TMPRSS11B: variants seen among roughly 807,000 people sequenced by gnomAD.
TMPRSS11B encodes the protein transmembrane protease serine 11B.
Under a neutral mutation model 44.7 loss-of-function variants are expected in TMPRSS11B, and 53 were observed. The ratio of observed to expected loss-of-function variants is 1.19; its 90% confidence interval spans 0.95 to 1.49. The LOEUF (loss-of-function observed/expected upper bound fraction) is 1.49, where lower values mean the gene tolerates loss of function less well. Among genes scored for constraint, TMPRSS11B ranks in the 40% most tolerant of loss-of-function variants. The pLI is 0.00. For synonymous variants in TMPRSS11B, 140 were observed against 159.2 expected (o/e 0.88, Z 0.91); for missense variants, 526 against 494.8 (o/e 1.06, Z -0.60).
intron 5 of TMPRSS11B, among the ~76,000 whole-genome samples, 158 bp downstream of exon 5, chr4:68,234,305 C>T (rs998159338): frequency 2.4e-4 from 37 of 152,154 alleles, no homozygotes; most frequent in Non-Finnish European, 1.6e-4. Context: ...CATGGCACTG[C>T]CCTTTCCACT....
chr4:68,245,450 A>G, intron 1 of TMPRSS11B, 101 bp downstream of exon 1: 1 of 1,294,838 alleles, frequency 7.7e-7, no homozygotes. Flanking sequence ...AGGAATAAAA[A>G]CTAAATTATA....
At position 68,228,879 on chromosome 4, in the gene TMPRSS11B, A is replaced by G. The variant is rs1163635696; in HGVS notation, c.952T>C (p.Phe318Leu). The G allele has an allele frequency of 6.2e-7, 1 of 1,612,150 alleles. No individual in the cohort carries two copies. Among genetic ancestry groups the G allele is most frequent in the African/African-American group, 1.3e-5 (1 of 74,808 alleles). Residue 318 changes from phenylalanine to leucine, a missense_variant, in exon 9 of 10, where the codon TTT becomes CTT. Coordinates refer to ENST00000332644, the MANE Select transcript of TMPRSS11B (RefSeq NM_182502.3). ...GWGTLYMNGS[F>L]PVILQEDFLK... The stretch of plus-strand genomic sequence containing the variant: ...AAGTCTTCTTGAAGTATCACTGGAA[A>G]TGAACCTAAAAGCAATAAGTGCTGC...
At chr4:68,240,857 A>G (rs1719803003) in intron 2 of TMPRSS11B, among the ~76,000 whole-genome samples, 3 of 152,146 alleles carry the variant, frequency 2.0e-5, no homozygotes, top group South Asian at 4.1e-4. Context: ...GTATTATTGT[A>G]TAGGGTTATA....
intron 1 of TMPRSS11B, among the ~76,000 whole-genome samples, chr4:68,242,216 A>AT (rs1719847585): frequency 1.4e-5 from 1 of 73,134 alleles, no homozygotes; most frequent in African/African-American, 6.3e-5. Context: ...TAATATATAT[A>AT]ATATTATATT....
rs767033849 is a variant in TMPRSS11B at position 68,236,188 on chromosome 4, T to A, written c.203A>T (p.Gln68Leu). Residue 68 changes from glutamine (Q) to leucine (L), a missense_variant, in exon 3 of 10, where the codon CAA (glutamine) becomes CTA (leucine). Gln to Leu is a moderately radical substitution (Grantham distance 113). Transcript: ENST00000332644. ...YNDNCENAAS[Q>L]ASTNLSKDIE... ...ATCTTTGCTTAGATTTGTGCTGGCTTGTGAAGCTGCGTTTTCACAATTATC... is the reference window on the plus strand; with the variant it reads ...ATCTTTGCTTAGATTTGTGCTGGCTAGTGAAGCTGCGTTTTCACAATTATC... The A allele has an allele frequency of 2.0e-5, 33 of 1,612,750 alleles. No homozygotes were observed. In the South Asian group the frequency reaches 2.8e-4, roughly 13 times the overall value.
intron 5 of TMPRSS11B, among the ~76,000 whole-genome samples, 187 bp downstream of exon 5, chr4:68,234,276 A>G (rs1229311494): frequency 1.3e-5 from 2 of 152,068 alleles, no homozygotes; most frequent in East Asian, 1.9e-4. Flanking sequence ...CATTCCTATC[A>G]TTCTTCAGAC....
intron 2 of TMPRSS11B, among the ~76,000 whole-genome samples, 186 bp downstream of exon 2, chr4:68,241,503 A>C (rs929367856): frequency 6.6e-6 from 1 of 152,148 alleles, no homozygotes; most frequent in Non-Finnish European, 1.5e-5. Context: ...TTAGTGATAT[A>C]ATTTACAAGG....
chr4:68,242,311 AATATTATATATATAATATT>A (rs1719868613), intron 1 of TMPRSS11B, among the ~76,000 whole-genome samples: 6 of 7,438 alleles, frequency 8.1e-4, no homozygotes, highest in Non-Finnish European at 1.7e-3. Context: ...TAATATATAT[AATATTATATATATAATATT>A]ATATTATATA....
At chr4:68,228,465 G>GA (rs1274582001) in intron 9 of TMPRSS11B, among the ~76,000 whole-genome samples, 3 of 152,158 alleles carry the variant, frequency 2.0e-5, no homozygotes, top group Non-Finnish European at 4.4e-5. Context: ...AGGTTGCCCA[G>GA]AAAATAGGAC....
At chr4:68,236,584 C>T (rs113795560) in intron 2 of TMPRSS11B, among the ~76,000 whole-genome samples, 2,115 of 152,124 alleles carry the variant, frequency 0.014, 39 homozygotes, top group African/African-American at 0.048. Flanking sequence ...TTCAATGATC[C>T]CCGCTTTCCC....
At chr4:68,243,515 A>T (rs887620876) in intron 1 of TMPRSS11B, among the ~76,000 whole-genome samples, 4 of 152,270 alleles carry the variant, frequency 2.6e-5, no homozygotes, top group Non-Finnish European at 5.9e-5. Context: ...AAAGCTCTTC[A>T]AAGAAACTCC....
At chr4:68,242,366 A>G (rs868024114) in intron 1 of TMPRSS11B, among the ~76,000 whole-genome samples, 1 of 59,210 alleles carries the variant, frequency 1.7e-5, no homozygotes, top group Non-Finnish European at 3.2e-5. Flanking sequence ...ATTATATTAT[A>G]TATAATATTA....
chr4:68,228,913 C>A, intron 8 of TMPRSS11B, 29 bp from the exon 9 acceptor site: 2 of 1,602,286 alleles, frequency 1.2e-6, no homozygotes, highest in Non-Finnish European at 1.7e-6. Context: ...GCATATTATG[C>A]AGATCTTAGA....
rs75647314 is a variant in TMPRSS11B, at chr4:68,228,741, C to A, written c.1089+1G>T. On this transcript the variant is annotated splice_donor_variant, in intron 9 of 9. Transcript: ENST00000332644. LOFTEE classifies it high-confidence loss of function. Reference sequence around the variant, plus strand: ...CAACTGGATAATGTAACTAGACATACCTGACATGCATCAGCTTCTCCTGAC... The same window carrying A: ...CAACTGGATAATGTAACTAGACATAACTGACATGCATCAGCTTCTCCTGAC... 8.3e-4 allele frequency: 1,330 copies of A among 1,606,832 alleles called. 14 individuals are homozygous for A. In the East Asian group the frequency reaches 0.025, roughly 30 times the overall value.
intron 8 of TMPRSS11B, 109 bp downstream of exon 8, chr4:68,229,148 T>C: frequency 1.7e-6 from 2 of 1,209,460 alleles, no homozygotes; most frequent in Non-Finnish European, 2.3e-6. Flanking sequence ...TTCTTTTCAG[T>C]ATATTTACTG....
At chr4:68,232,010 C>A in intron 6 of TMPRSS11B, 1 of 159,050 alleles carries the variant, frequency 6.3e-6, no homozygotes, top group Non-Finnish European at 1.4e-5. Context: ...TTTTAAGATG[C>A]AGAACTGTTT....
In TMPRSS11B at chr4:68,232,365, G is replaced by T. The variant is rs1719539979; in HGVS notation, c.508+13C>A. The T allele has an allele frequency of 1.2e-6, 2 of 1,609,634 alleles. No individual in the cohort carries two copies. Among genetic ancestry groups the T allele is most frequent in the Non-Finnish European group, 8.5e-7 (1 of 1,177,870 alleles). ...AGTCCATCAAATTTATAATTAAAAG[G>T]TCCTTAACTTACAGTTGTTGGTAAG... On this transcript the variant is annotated intron_variant, in intron 6 of 9. Coordinates refer to ENST00000332644, the MANE Select transcript of TMPRSS11B (RefSeq NM_182502.3).
chr4:68,228,734 A>G lies in TMPRSS11B; in HGVS notation c.1089+8T>C. On this transcript the variant is annotated splice_region_variant and intron_variant, in intron 9 of 9. Coordinates refer to ENST00000332644, the MANE Select transcript of TMPRSS11B (RefSeq NM_182502.3). Reference sequence around the variant, plus strand: ...GAGAAAACAACTGGATAATGTAACTAGACATACCTGACATGCATCAGCTTC... The same window carrying G: ...GAGAAAACAACTGGATAATGTAACTGGACATACCTGACATGCATCAGCTTC... The G allele has an allele frequency of 6.2e-7, 1 of 1,604,450 alleles. No individual in the cohort carries two copies. Among genetic ancestry groups the G allele is most frequent in the East Asian group, 2.2e-5 (1 of 44,454 alleles).
Position 68,242,334 on chromosome 4 carries a change from TTATA to T in TMPRSS11B, c.9-534_9-531del, listed in dbSNP as rs202103182. On this transcript the variant is annotated intron_variant, in intron 1 of 9. Transcript: ENST00000332644. ...ATAATATTATATATATAATATTATATTATATATATATTATATATAATATTATATT... is the reference window on the plus strand; with the variant it reads ...ATAATATTATATATATAATATTATATTATATATTATATATAATATTATATT... Among the ~76,000 whole-genome samples, 22 of 14,026 alleles carry T rather than the reference TTATA, an allele frequency of 1.6e-3. 1 individual carries two copies. Among genetic ancestry groups the T allele is most frequent in the South Asian group, 4.1e-3 (1 of 242 alleles). The allele number at this position is 14,026 out of a possible 152,430, so 9.2% of individuals were successfully genotyped here.
Sources: allele counts gnomAD v4.1 joint callset (sites outside exome capture counted in the v4.1 genomes callset), GRCh38; gene constraint gnomAD v4.1.1; transcripts MANE v1.5; gene names NCBI Gene and HGNC (gene_info 2026-07-23, HGNC 2026-07-21).